MYO6: variants seen among roughly 807,000 people sequenced by gnomAD.
MYO6 encodes unconventional myosin-VI.
MYO6 carries 74 observed loss-of-function variants against 178.7 expected under a neutral mutation model. The observed-to-expected ratio is 0.41, with a 90% CI of 0.34 to 0.50. The LOEUF is 0.50. Among genes scored for constraint, MYO6 ranks in the 20% least tolerant of loss-of-function variants. MYO6 has a pLI of 0.09. For synonymous variants in MYO6, 477 were observed against 504.6 expected (o/e 0.95, Z 0.73); for missense variants, 1,330 against 1,547.4 (o/e 0.86, Z 2.36).
intron 28 of MYO6, 50 bp downstream of exon 28, chr6:75,892,740 A>G (rs568683630): frequency 6.3e-7 from 1 of 1,593,250 alleles, no homozygotes; most frequent in Non-Finnish European, 8.6e-7. Flanking sequence ...TGCTTTCTCT[A>G]CCTCTCTGCC....
chr6:75,800,719 T>TA (rs1186099154), intron 1 of MYO6, among the ~76,000 whole-genome samples: 5 of 151,946 alleles, frequency 3.3e-5, no homozygotes, highest in Non-Finnish European at 7.4e-5. Context: ...AGATAGAAAA[T>TA]GGGGCATTAC....
chr6:75,858,809 AT>A lies in MYO6; in HGVS notation c.1382-91del. 5 of 753,610 alleles carry A rather than the reference AT, an allele frequency of 6.6e-6. No homozygotes were observed. In the South Asian group the frequency reaches 8.1e-5, roughly 12 times the overall value. The allele number at this position is 753,610 out of a possible 1,614,324, so 46.7% of individuals were successfully genotyped here. On this transcript the variant is annotated intron_variant, in intron 13 of 34. Transcript: ENST00000369977. ...ATATACAAATTTAACCTAATTTTAA[AT>A]TAAGCCATTATTACAATTACATTTT...
chr6:75,807,819 G>A (rs539029799), intron 1 of MYO6, among the ~76,000 whole-genome samples: 15 of 152,094 alleles, frequency 9.9e-5, no homozygotes, highest in East Asian at 1.9e-4. Context: ...ACTGCAGCCC[G>A]TTTTATCAGC....
At chr6:75,753,050 A>G (rs757959421) in intron 1 of MYO6, among the ~76,000 whole-genome samples, 2 of 152,148 alleles carry the variant, frequency 1.3e-5, no homozygotes, top group East Asian at 1.9e-4. Flanking sequence ...AATCTTTTCT[A>G]TGGTCTGTGG....
chr6:75,908,910 C>T (rs1359497874), intron 32 of MYO6, among the ~76,000 whole-genome samples: 2 of 152,150 alleles, frequency 1.3e-5, no homozygotes, highest in Non-Finnish European at 2.9e-5. Flanking sequence ...CACACACAAA[C>T]ACGTGCACAC....
chr6:75,868,233 G>C (rs1289228515), intron 18 of MYO6, among the ~76,000 whole-genome samples: 1 of 151,414 alleles, frequency 6.6e-6, no homozygotes, highest in African/African-American at 2.4e-5. Flanking sequence ...ACATTTTTAG[G>C]TAACTGAATA....
chr6:75,875,743 T>G (rs953087103), intron 20 of MYO6, among the ~76,000 whole-genome samples: 9 of 152,202 alleles, frequency 5.9e-5, no homozygotes, highest in African/African-American at 2.2e-4. Flanking sequence ...AAATAGTGAG[T>G]CCTGATAGTC....
In MYO6 at chr6:75,855,931, C is replaced by T. The variant is rs144818074; in HGVS notation, c.1223+648C>T. 2.6e-3 allele frequency among the ~76,000 whole-genome samples: 398 copies of T among 152,244 alleles called. 1 individual carries two copies. The highest frequency in any genetic ancestry group is 4.4e-3 in the Non-Finnish European group (301 of 68,006). On this transcript the variant is annotated intron_variant, in intron 12 of 34. Coordinates refer to ENST00000369977, the MANE Select transcript of MYO6 (RefSeq NM_004999.4). ...CTTTATCTCTTACTAATAAGATAGG[C>T]AGTGAGCTCTAGTGACATATTTCCG...
At chr6:75,754,477 G>A (rs911978810) in intron 1 of MYO6, among the ~76,000 whole-genome samples, 4 of 124,162 alleles carry the variant, frequency 3.2e-5, no homozygotes, top group Admixed American at 2.2e-4. Context: ...CTGAGATTGG[G>A]CCACTGCAGT....
chr6:75,845,918 T>C (rs1774689488), intron 10 of MYO6, among the ~76,000 whole-genome samples: 1 of 150,752 alleles, frequency 6.6e-6, no homozygotes, highest in South Asian at 2.1e-4. Context: ...ACCCAGGAGA[T>C]AGAGGCTGTT....
chr6:75,873,311 A>C lies in MYO6; in HGVS notation c.2077+11A>C. 6.3e-7 allele frequency: 1 copy of C among 1,593,362 alleles called. No individual in the cohort carries two copies. The highest frequency in any genetic ancestry group is 8.6e-7 in the Non-Finnish European group (1 of 1,161,110). On this transcript the variant is annotated intron_variant, in intron 20 of 34. Transcript: ENST00000369977. ...AGCTTCAGTGTTCAGGTATTTTCAT[A>C]ATCTCTGTCAGTGTGTGTTAGTAGT...
intron 20 of MYO6, among the ~76,000 whole-genome samples, chr6:75,874,666 A>G (rs544173586): frequency 3.3e-5 from 5 of 152,280 alleles, no homozygotes; most frequent in African/African-American, 1.2e-4. Context: ...TTGTCATACT[A>G]TTCCCTTTCA....
At chr6:75,799,444 AG>A (rs1293501384) in intron 1 of MYO6, among the ~76,000 whole-genome samples, 1 of 151,970 alleles carries the variant, frequency 6.6e-6, no homozygotes, top group Admixed American at 6.6e-5. Context: ...TGACACACCT[AG>A]GTTAAGGAAG....
At chr6:75,904,127 G>T (rs1408277547) in intron 30 of MYO6, among the ~76,000 whole-genome samples, 1 of 152,008 alleles carries the variant, frequency 6.6e-6, no homozygotes, top group African/African-American at 2.4e-5. Context: ...CCCTTTGAGG[G>T]TAACCCGACC....
At chr6:75,797,514 CTGTTA>C (rs1368800309) in intron 1 of MYO6, among the ~76,000 whole-genome samples, 1 of 151,798 alleles carries the variant, frequency 6.6e-6, no homozygotes, top group Non-Finnish European at 1.5e-5. Context: ...GATGGTAGCT[CTGTTA>C]TATGTATTTT....
At chr6:75,869,722 A>G (rs1430190082) in intron 18 of MYO6, among the ~76,000 whole-genome samples, 1 of 152,248 alleles carries the variant, frequency 6.6e-6, no homozygotes, top group South Asian at 2.1e-4. Flanking sequence ...TCAATGTTAT[A>G]AAAACAAGAA....
intron 1 of MYO6, among the ~76,000 whole-genome samples, chr6:75,757,579 G>C (rs1777569624): frequency 6.6e-6 from 1 of 151,732 alleles, no homozygotes; most frequent in Non-Finnish European, 1.5e-5. Context: ...CTACTTGGTC[G>C]TCAGGCTTAA....
intron 1 of MYO6, among the ~76,000 whole-genome samples, chr6:75,777,604 A>T (rs766060076): frequency 2.0e-5 from 3 of 151,142 alleles, no homozygotes; most frequent in Non-Finnish European, 2.9e-5. Context: ...ATTTATATAT[A>T]TATATTTTTT....
chr6:75,802,726 A>G (rs926689065), intron 1 of MYO6, among the ~76,000 whole-genome samples: 11 of 152,012 alleles, frequency 7.2e-5, no homozygotes, highest in African/African-American at 1.7e-4. Context: ...GGCTCAAGCA[A>G]TCTCTCCAGC....
Sources: allele counts gnomAD v4.1 joint callset (sites outside exome capture counted in the v4.1 genomes callset), GRCh38; gene constraint gnomAD v4.1.1; transcripts MANE v1.5; gene names NCBI Gene and HGNC (gene_info 2026-07-23, HGNC 2026-07-21).